Variants in PHLDB2 observed in about 807,000 individuals in gnomAD.
PHLDB2 encodes the protein pleckstrin homology-like domain family B member 2.
In PHLDB2, 71 loss-of-function variants were observed where a neutral mutation model predicts 123.6. That is an observed-to-expected ratio of 0.57 (90% CI 0.47 to 0.70). The LOEUF is 0.70. Ranked by LOEUF, PHLDB2 falls within the 30% of genes least tolerant of loss-of-function variation. PHLDB2 has a pLI of 0.00. For missense variants in PHLDB2, 1,446 were observed against 1,519.5 expected, an observed-to-expected ratio of 0.95 and a Z score of 0.80; for synonymous variants, 547 against 541.6, an observed-to-expected ratio of 1.01 and a Z score of -0.14.
intron 2 of PHLDB2, among the ~76,000 whole-genome samples, chr3:111,887,578 G>C (rs2066247666): frequency 1.3e-5 from 2 of 152,090 alleles, no homozygotes; most frequent in Admixed American, 1.3e-4. Context: ...CTGAATAGAG[G>C]ATTAGAGATA....
At chr3:111,919,510 T>C (rs2068370582) in intron 4 of PHLDB2, among the ~76,000 whole-genome samples, 1 of 152,188 alleles carries the variant, frequency 6.6e-6, no homozygotes, top group African/African-American at 2.4e-5. Context: ...TAACAGAGGA[T>C]CTATCAGCTG....
At chr3:111,752,964 C>A (rs574512408) in intron 1 of PHLDB2, among the ~76,000 whole-genome samples, 121 of 152,294 alleles carry the variant, frequency 7.9e-4, no homozygotes, top group Middle Eastern at 3.4e-3. Context: ...CATGTCCCTA[C>A]AAAGGACATG....
At position 111,795,761 on chromosome 3, in the gene PHLDB2, G is replaced by A. The variant is rs559262398; in HGVS notation, c.-48-50060G>A. 1.0e-3 allele frequency among the ~76,000 whole-genome samples: 156 copies of A among 152,150 alleles called. 1 individual carries two copies. Among genetic ancestry groups the A allele is most frequent in the African/African-American group, 3.7e-3 (152 of 41,508 alleles). Reference sequence around the variant, plus strand: ...TGTTTTTGAGACGGAGTCTTGCTCCGTCACCCAGGCTGGAGTGCAATGATG... The same window carrying A: ...TGTTTTTGAGACGGAGTCTTGCTCCATCACCCAGGCTGGAGTGCAATGATG... On this transcript the variant is annotated intron_variant, in intron 1 of 17. Coordinates refer to the PHLDB2 transcript ENST00000393923.
upstream of PHLDB2, among the ~76,000 whole-genome samples, chr3:111,855,858 C>T (rs1035302274): frequency 1.3e-5 from 2 of 152,082 alleles, no homozygotes; most frequent in Non-Finnish European, 2.9e-5. Flanking sequence ...TCTGGAACTT[C>T]TAATCTCAAG....
At chr3:111,917,483 G>A (rs1202583470) in intron 3 of PHLDB2, 1 of 152,154 alleles carries the variant, frequency 6.6e-6, no homozygotes, top group Non-Finnish European at 1.5e-5. Flanking sequence ...TTTCCTGCTA[G>A]GATTACTCAC....
intron 5 of PHLDB2, among the ~76,000 whole-genome samples, chr3:111,928,860 G>C (rs566638356): frequency 2.1e-4 from 32 of 152,324 alleles, no homozygotes; most frequent in Admixed American, 6.5e-4. Flanking sequence ...GTCCCATTCT[G>C]TTTGTGGTTT....
At chr3:111,943,354 A>G (rs1210076693) in intron 8 of PHLDB2, among the ~76,000 whole-genome samples, 1 of 152,226 alleles carries the variant, frequency 6.6e-6, no homozygotes, top group Non-Finnish European at 1.5e-5. Flanking sequence ...CAATATTGTC[A>G]TATGATATAT....
In PHLDB2 at chr3:111,769,001, T is replaced by A. The variant is rs111385235; in HGVS notation, c.-49+36298T>A. 9.6e-3 allele frequency among the ~76,000 whole-genome samples: 1,466 copies of A among 152,314 alleles called. 16 individuals are homozygous for A. Among genetic ancestry groups the A allele is most frequent in the African/African-American group, 0.032 (1,344 of 41,562 alleles). On this transcript the variant is annotated intron_variant, in intron 1 of 17. Coordinates refer to the PHLDB2 transcript ENST00000393923. ...TATGGGCCAATGAAAACAATGCCTT[T>A]AGTGAACTGCTGCCTCCCTTTCACC...
At chr3:111,927,756 G>A (rs1431935581) in intron 5 of PHLDB2, among the ~76,000 whole-genome samples, 1 of 152,106 alleles carries the variant, frequency 6.6e-6, no homozygotes, top group East Asian at 1.9e-4. Context: ...AGCCCTACAG[G>A]TTAATAAATT....
chr3:111,744,088 T>C (rs1043722865), intron 1 of PHLDB2, among the ~76,000 whole-genome samples: 1 of 152,208 alleles, frequency 6.6e-6, no homozygotes, highest in Admixed American at 6.5e-5. Flanking sequence ...AGAGTACTTA[T>C]AAATCCTTAC....
Position 111,845,311 on chromosome 3 carries a change from C to T in PHLDB2, c.-48-510C>T, listed in dbSNP as rs187886592. On this transcript the variant is annotated intron_variant, in intron 1 of 17. Transcript: ENST00000393923. ...TGGAGGTTGCAGTGAGCCAAGATCACGCCACTGCACTCCAGCCTGGGTGAC... is the reference window on the plus strand; with the variant it reads ...TGGAGGTTGCAGTGAGCCAAGATCATGCCACTGCACTCCAGCCTGGGTGAC... Among the ~76,000 whole-genome samples the T allele has an allele frequency of 2.7e-3, 327 of 122,532 alleles. 1 individual carries two copies. Among genetic ancestry groups the T allele is most frequent in the Admixed American group, 5.8e-3 (53 of 9,130 alleles). The allele number at this position is 122,532 out of a possible 152,430, so 80.4% of individuals were successfully genotyped here. A position where few individuals can be genotyped will look rare whatever the true frequency, so the allele number is the denominator to read the frequency against.
chr3:111,933,609 T>C (rs532306710), intron 6 of PHLDB2, among the ~76,000 whole-genome samples: 1 of 152,350 alleles, frequency 6.6e-6, no homozygotes, highest in Non-Finnish European at 1.5e-5. Context: ...TTACTCTTTT[T>C]ATTGTATGCA....
intron 5 of PHLDB2, among the ~76,000 whole-genome samples, chr3:111,921,385 G>C (rs2068491284): frequency 1.3e-5 from 2 of 152,098 alleles, no homozygotes; most frequent in Admixed American, 6.5e-5. Flanking sequence ...TGTGTAGAAA[G>C]AATTTCTGCT....
intron 1 of PHLDB2, among the ~76,000 whole-genome samples, chr3:111,864,532 C>T (rs530858155): frequency 6.6e-6 from 1 of 152,144 alleles, no homozygotes; most frequent in African/African-American, 2.4e-5. Context: ...AGAAAAGGAG[C>T]TTTGTGCTGT....
chr3:111,866,308 G>A (rs774465886), intron 1 of PHLDB2, among the ~76,000 whole-genome samples: 2 of 151,976 alleles, frequency 1.3e-5, no homozygotes, highest in Non-Finnish European at 1.5e-5. Context: ...ATGAGCCACC[G>A]AGCCCGGCCT....
At chr3:111,875,098 G>A (rs183667056) in intron 1 of PHLDB2, among the ~76,000 whole-genome samples, 257 of 152,136 alleles carry the variant, frequency 1.7e-3, no homozygotes, top group Non-Finnish European at 3.0e-3. Context: ...TCATTTAGAA[G>A]ACTTGGAAAA....
intron 8 of PHLDB2, among the ~76,000 whole-genome samples, chr3:111,943,508 C>G (rs2070059506): frequency 6.6e-6 from 1 of 151,956 alleles, no homozygotes. Flanking sequence ...AGACTTGTAT[C>G]CACAACATAT....
intron 13 of PHLDB2, among the ~76,000 whole-genome samples, chr3:111,965,533 T>C (rs2071694856): frequency 6.6e-6 from 1 of 152,208 alleles, no homozygotes. Context: ...TTCATTTTTA[T>C]ATGAATTTTT....
intron 9 of PHLDB2, among the ~76,000 whole-genome samples, chr3:111,947,185 T>C (rs973630256): frequency 1.3e-5 from 2 of 152,192 alleles, no homozygotes; most frequent in African/African-American, 2.4e-5. Context: ...CCAGATGAAT[T>C]GGATGGGCTC....
Sources: allele counts gnomAD v4.1 joint callset (sites outside exome capture counted in the v4.1 genomes callset), GRCh38; gene constraint gnomAD v4.1.1; transcripts MANE v1.5; gene names NCBI Gene and HGNC (gene_info 2026-07-23, HGNC 2026-07-21).